Variants in KHDRBS2 observed in about 807,000 individuals in gnomAD.
KHDRBS2 encodes KH RNA binding domain containing, signal transduction associated 2.
KHDRBS2 carries 26 observed loss-of-function variants against 44.3 expected under a neutral mutation model. The ratio of observed to expected loss-of-function variants is 0.59; its 90% CI spans 0.43 to 0.81. KHDRBS2 has a LOEUF of 0.81. Among genes scored for constraint, KHDRBS2 ranks in the 40% least tolerant of loss-of-function variants. The probability of loss-of-function intolerance (pLI) is 0.00; values close to 1 mark genes in which losing one functional copy is unlikely to be tolerated. For synonymous variants in KHDRBS2, 194 were observed against 151.1 expected (o/e 1.28, Z -2.08); for missense variants, 476 against 433.1 (o/e 1.10, Z -0.88).
intron 5 of KHDRBS2, among the ~76,000 whole-genome samples, chr6:61,898,489 A>G (rs1019508543): frequency 1.3e-5 from 2 of 152,018 alleles, no homozygotes; most frequent in African/African-American, 4.8e-5. Flanking sequence ...CTTATTGTTT[A>G]TCTCATTCAT....
the KHDRBS2 span, among the ~76,000 whole-genome samples, chr6:61,571,004 C>A: frequency 1.5e-4 from 22 of 150,534 alleles, no homozygotes; most frequent in Non-Finnish European, 2.2e-4. Context: ...AATAATAACA[C>A]AATGAAAAAA....
the KHDRBS2 span, among the ~76,000 whole-genome samples, chr6:61,658,380 A>C: frequency 1.3e-5 from 2 of 151,934 alleles, no homozygotes; most frequent in African/African-American, 4.8e-5. Context: ...TTTTGGGCTA[A>C]ATAAGAAAAA....
chr6:61,895,625 C>T (rs1010710231), intron 5 of KHDRBS2, among the ~76,000 whole-genome samples: 1 of 152,086 alleles, frequency 6.6e-6, no homozygotes, highest in Admixed American at 6.5e-5. Flanking sequence ...ATGGTTGTGG[C>T]CAATTTTTAT....
At chr6:62,020,588 T>G (rs527770179) in intron 3 of KHDRBS2, among the ~76,000 whole-genome samples, 282 of 23,508 alleles carry the variant, frequency 0.012, 2 homozygotes, top group African/African-American at 0.038. Context: ...AATGCACTTT[T>G]GACAGTTTTT....
At chr6:62,137,640 C>G (rs1364223030) in intron 2 of KHDRBS2, among the ~76,000 whole-genome samples, 1 of 152,128 alleles carries the variant, frequency 6.6e-6, no homozygotes. Flanking sequence ...AGAGCCACTG[C>G]TTTCTACCTA....
chr6:62,248,595 G>A (rs1033847196), intron 1 of KHDRBS2, among the ~76,000 whole-genome samples: 1 of 151,984 alleles, frequency 6.6e-6, no homozygotes, highest in Non-Finnish European at 1.5e-5. Flanking sequence ...CTGAACTCAA[G>A]TAATCTCTTG....
At chr6:62,059,741 C>G (rs756692104) in intron 2 of KHDRBS2, among the ~76,000 whole-genome samples, 17 of 151,568 alleles carry the variant, frequency 1.1e-4, no homozygotes, top group Non-Finnish European at 1.9e-4. Context: ...TTGTAATTTT[C>G]TATACAGGGG....
At chr6:61,802,327 G>A (rs1786413400) in intron 6 of KHDRBS2, among the ~76,000 whole-genome samples, 1 of 152,066 alleles carries the variant, frequency 6.6e-6, no homozygotes, top group Admixed American at 6.6e-5. Flanking sequence ...ACTGACTGTG[G>A]TAATTTGGCA....
the KHDRBS2 span, among the ~76,000 whole-genome samples, chr6:61,626,153 T>C: frequency 6.6e-6 from 1 of 152,224 alleles, no homozygotes; most frequent in Middle Eastern, 3.2e-3. Context: ...ATATTCCTTC[T>C]GGAATCCAGC....
At chr6:61,686,773 C>A (rs767602256) in intron 8 of KHDRBS2, among the ~76,000 whole-genome samples, 14 of 151,298 alleles carry the variant, frequency 9.3e-5, no homozygotes, top group East Asian at 2.0e-4. Flanking sequence ...ATTCACCAAC[C>A]CTTTCTCTTT....
chr6:62,108,831 C>A (rs1211225), intron 2 of KHDRBS2, among the ~76,000 whole-genome samples: 1 of 152,066 alleles, frequency 6.6e-6, no homozygotes, highest in African/African-American at 2.4e-5. Flanking sequence ...TCAGTCTCAG[C>A]AAACTATCGC....
At chr6:61,549,566 T>C in the KHDRBS2 span, among the ~76,000 whole-genome samples, 1 of 152,128 alleles carries the variant, frequency 6.6e-6, no homozygotes, top group Non-Finnish European at 1.5e-5. Context: ...AGTAGGATCC[T>C]CCTGTTTGGT....
chr6:61,546,382 A>C, the KHDRBS2 span, among the ~76,000 whole-genome samples: 1 of 152,098 alleles, frequency 6.6e-6, no homozygotes. Context: ...CATTAGGCTC[A>C]CCTGAGATTA....
intron 1 of KHDRBS2, among the ~76,000 whole-genome samples, chr6:62,205,057 T>A (rs1476287845): frequency 1.3e-5 from 2 of 152,146 alleles, no homozygotes; most frequent in Non-Finnish European, 2.9e-5. Context: ...ATCAGCTTAC[T>A]GCCAATTTTA....
chr6:61,977,270 C>T (rs1156709737), intron 4 of KHDRBS2, among the ~76,000 whole-genome samples: 6 of 152,142 alleles, frequency 3.9e-5, no homozygotes, highest in Non-Finnish European at 8.8e-5. Context: ...AAACTGTACT[C>T]AGCATTCTCT....
intron 2 of KHDRBS2, among the ~76,000 whole-genome samples, chr6:62,088,624 T>A: frequency 6.6e-6 from 1 of 152,110 alleles, no homozygotes; most frequent in East Asian, 1.9e-4. Context: ...CTCTCCTGTA[T>A]GAGCTTTCTG....
At position 61,955,537 on chromosome 6, in the gene KHDRBS2, T is replaced by C. The variant is rs1314041126; in HGVS notation, c.483+22529A>G. 3.4e-5 allele frequency among the ~76,000 whole-genome samples: 2 copies of C among 59,010 alleles called. 1 individual carries two copies. The highest frequency in any genetic ancestry group is 1.3e-4 in the African/African-American group (2 of 14,864). 38.7% of individuals were successfully genotyped at this position (59,010 alleles called of 152,430 possible). Reference sequence around the variant, plus strand: ...ATATGTATGTATGTATACATGTGTATATATACACATATGTATGTATACATG... The same window carrying C: ...ATATGTATGTATGTATACATGTGTACATATACACATATGTATGTATACATG... On this transcript the variant is annotated intron_variant, in intron 4 of 8. Transcript: ENST00000281156.
At chr6:61,758,772 A>T (rs1778869716) in intron 6 of KHDRBS2, among the ~76,000 whole-genome samples, 1 of 152,154 alleles carries the variant, frequency 6.6e-6, no homozygotes, top group East Asian at 1.9e-4. Flanking sequence ...AAATAATAAT[A>T]CCAGCTCTAA....
chr6:61,830,031 T>C (rs1424874865), intron 6 of KHDRBS2, among the ~76,000 whole-genome samples: 1 of 152,216 alleles, frequency 6.6e-6, no homozygotes, highest in East Asian at 1.9e-4. Context: ...ACTCTGAATC[T>C]ATTTTAAGTT....
Sources: allele counts gnomAD v4.1 joint callset (sites outside exome capture counted in the v4.1 genomes callset), GRCh38; gene constraint gnomAD v4.1.1; transcripts MANE v1.5; gene names NCBI Gene and HGNC (gene_info 2026-07-23, HGNC 2026-07-21).